Variants in PPP1R12B observed in about 807,000 individuals in gnomAD.
PPP1R12B encodes myosin phosphatase target subunit 2.
In PPP1R12B, 76 loss-of-function variants were observed where a neutral mutation model predicts 126.1. That is an observed-to-expected ratio of 0.60 (90% CI 0.50 to 0.73). PPP1R12B has a LOEUF of 0.73. PPP1R12B is among the 30% of genes least tolerant of loss of function. The pLI, the probability that PPP1R12B is intolerant of heterozygous loss-of-function variation, is 0.00. For synonymous variants in PPP1R12B, 356 were observed against 434.7 expected, an observed-to-expected ratio of 0.82 and a Z score of 2.25; for missense variants, 1,052 against 1,205.1, an observed-to-expected ratio of 0.87 and a Z score of 1.88.
chr1:202,373,621 A>G lies in PPP1R12B; in HGVS notation c.291+24479A>G, dbSNP rs547657293. Among the ~76,000 whole-genome samples the G allele has an allele frequency of 2.0e-5, 3 of 151,532 alleles. No homozygotes were observed. The East Asian group carries it at 5.8e-4, about 29-fold the overall frequency. On this transcript the variant is annotated intron_variant, in intron 1 of 23. Transcript: ENST00000608999. The stretch of plus-strand genomic sequence containing the variant: ...TGTCAGGTCTTCATTTTTAACCAGA[A>G]CATTTAGAACACTATTAATAATTGT...
intron 1 of PPP1R12B, among the ~76,000 whole-genome samples, chr1:202,371,001 CTTTTTTTT>C (rs774584500): frequency 8.2e-5 from 9 of 109,128 alleles, no homozygotes; most frequent in Non-Finnish European, 1.1e-4. Flanking sequence ...TGCTCCACAT[CTTTTTTTT>C]TTTTTTTTTT....
intron 1 of PPP1R12B, among the ~76,000 whole-genome samples, chr1:202,402,968 A>T (rs1429455514): frequency 1.3e-5 from 2 of 152,256 alleles, no homozygotes; most frequent in East Asian, 3.8e-4. Flanking sequence ...TGGATACATG[A>T]CAAAGCAAAT....
intron 1 of PPP1R12B, among the ~76,000 whole-genome samples, chr1:202,378,211 C>T (rs1422464035): frequency 9.8e-5 from 13 of 132,408 alleles, no homozygotes; most frequent in African/African-American, 3.6e-4. Context: ...GTGCTCTCTT[C>T]TTCTTTTCCT....
At chr1:202,525,910 G>C (rs2148926331) in intron 18 of PPP1R12B, among the ~76,000 whole-genome samples, 1 of 152,314 alleles carries the variant, frequency 6.6e-6, no homozygotes, top group South Asian at 2.1e-4. Context: ...TGTTGACCAG[G>C]CTGGTCTCAA....
Position 202,573,487 on chromosome 1 carries a change from G to C in PPP1R12B, c.2862+4290G>C, listed in dbSNP as rs3767394. ...TCATTTCTATCCTTCTCATCTTATA[G>C]ATATGAGAGACTTTTCTCTGATACC... On this transcript the variant is annotated intron_variant, in intron 23 of 23. Coordinates refer to ENST00000608999, the MANE Select transcript of PPP1R12B (RefSeq NM_002481.4). Among the ~76,000 whole-genome samples, 8 of 152,028 alleles carry C rather than the reference G, an allele frequency of 5.3e-5. No homozygotes were observed. In the East Asian group the frequency reaches 1.5e-3, roughly 29 times the overall value.
chr1:202,385,341 T>G (rs1290810437), intron 1 of PPP1R12B, among the ~76,000 whole-genome samples: 1 of 152,168 alleles, frequency 6.6e-6, no homozygotes, highest in Non-Finnish European at 1.5e-5. Flanking sequence ...TTTTTCCCAG[T>G]GGCTTCTTCT....
chr1:202,519,206 G>A (rs182646178), intron 18 of PPP1R12B, among the ~76,000 whole-genome samples: 488 of 152,140 alleles, frequency 3.2e-3, no homozygotes, highest in Non-Finnish European at 5.7e-3. Context: ...AAGGCTCTAG[G>A]AAGCTCTGAG....
chr1:202,493,020 A>G (rs1249191341), intron 14 of PPP1R12B, 94 bp from the exon 15 acceptor site: 26 of 1,335,444 alleles, frequency 1.9e-5, no homozygotes, highest in East Asian at 4.6e-5. Flanking sequence ...TTGGGATTTG[A>G]TAACTATTAG....
intron 13 of PPP1R12B, among the ~76,000 whole-genome samples, chr1:202,475,478 T>C (rs1377153780): frequency 6.6e-6 from 1 of 152,214 alleles, no homozygotes; most frequent in Non-Finnish European, 1.5e-5. Flanking sequence ...ATTGCAGGAT[T>C]TGCTAGAAGA....
intron 15 of PPP1R12B, among the ~76,000 whole-genome samples, chr1:202,493,954 G>A (rs577286178): frequency 5.3e-5 from 8 of 152,318 alleles, no homozygotes; most frequent in African/African-American, 1.9e-4. Context: ...CATTTCTCTA[G>A]TGGAGTTGGT....
At chr1:202,495,806 T>C in intron 17 of PPP1R12B, 124 bp downstream of exon 17, 1 of 838,486 alleles carries the variant, frequency 1.2e-6, no homozygotes, top group Non-Finnish European at 1.9e-6. Context: ...GAAGTATTAC[T>C]GAGGAAAAGA....
chr1:202,503,378 T>C (rs549895612), intron 18 of PPP1R12B, among the ~76,000 whole-genome samples: 2 of 152,264 alleles, frequency 1.3e-5, no homozygotes, highest in African/African-American at 4.8e-5. Flanking sequence ...GGGGGAAAAG[T>C]AGACATTTGG....
chr1:202,478,655 A>G (rs1050465126), intron 13 of PPP1R12B, among the ~76,000 whole-genome samples: 1 of 152,162 alleles, frequency 6.6e-6, no homozygotes, highest in African/African-American at 2.4e-5. Context: ...ATATTTACAT[A>G]CAATCTGGAC....
At chr1:202,389,898 G>C (rs1309157831) in intron 1 of PPP1R12B, among the ~76,000 whole-genome samples, 1 of 143,966 alleles carries the variant, frequency 6.9e-6, no homozygotes, top group African/African-American at 2.6e-5. Context: ...CTGCACTCCA[G>C]TCTGGGCGAC....
intron 18 of PPP1R12B, among the ~76,000 whole-genome samples, chr1:202,510,488 G>A (rs1039877513): frequency 2.0e-5 from 3 of 152,108 alleles, no homozygotes; most frequent in African/African-American, 7.2e-5. Context: ...ATAATGTTTA[G>A]GGATTGCTAA....
At chr1:202,430,952 C>G in intron 7 of PPP1R12B, 142 bp downstream of exon 7, 1 of 1,266,690 alleles carries the variant, frequency 7.9e-7, no homozygotes, top group Non-Finnish European at 1.0e-6. Flanking sequence ...TTGTGGGAAA[C>G]TTTGTGGGAC....
At chr1:202,545,674 A>G (rs1685580499) in intron 18 of PPP1R12B, among the ~76,000 whole-genome samples, 2 of 152,198 alleles carry the variant, frequency 1.3e-5, no homozygotes, top group South Asian at 4.1e-4. Context: ...GAATTAGAAC[A>G]CCAGGGAGGT....
At chr1:202,533,491 GT>G (rs944276268) in intron 18 of PPP1R12B, among the ~76,000 whole-genome samples, 3 of 151,738 alleles carry the variant, frequency 2.0e-5, no homozygotes, top group African/African-American at 7.3e-5. Flanking sequence ...GTTTTGTTTT[GT>G]TTTTTTGGTA....
At chr1:202,496,287 T>C (rs979148505) in intron 17 of PPP1R12B, among the ~76,000 whole-genome samples, 7 of 152,264 alleles carry the variant, frequency 4.6e-5, no homozygotes, top group Non-Finnish European at 1.0e-4. Context: ...TATCTTGTTC[T>C]GTAGCCTTCT....
Sources: allele counts gnomAD v4.1 joint callset (sites outside exome capture counted in the v4.1 genomes callset), GRCh38; gene constraint gnomAD v4.1.1; transcripts MANE v1.5; gene names NCBI Gene and HGNC (gene_info 2026-07-23, HGNC 2026-07-21).